The following PDE8B variants were observed in gnomAD, a reference collection of about 807,000 sequenced individuals.
PDE8B encodes the protein high affinity cAMP-specific and IBMX-insensitive 3',5'-cyclic phosphodiesterase 8B.
PDE8B carries 26 observed loss-of-function variants against 101.3 expected under a neutral mutation model. The ratio of observed to expected loss-of-function variants is 0.26; its 90% CI spans 0.19 to 0.36. PDE8B has a LOEUF of 0.36. PDE8B is among the 10% of genes least tolerant of loss of function. The pLI is 1.00. For missense variants in PDE8B, 810 were observed against 1,163.1 expected (o/e 0.70, Z 4.42); for synonymous variants, 424 against 429.3 (o/e 0.99, Z 0.15).
At chr5:77,149,659 T>A in the PDE8B span, among the ~76,000 whole-genome samples, 1 of 152,218 alleles carries the variant, frequency 6.6e-6, no homozygotes, top group Non-Finnish European at 1.5e-5. Context: ...GGCTTGACAT[T>A]GCTGATATAT....
At chr5:77,351,024 C>T (rs371446061) in intron 8 of PDE8B, 41 bp from the exon 9 acceptor site, 1 of 1,450,256 alleles carries the variant, frequency 6.9e-7, no homozygotes, top group African/African-American at 1.4e-5. Flanking sequence ...CAGCTGTCAT[C>T]CTTGACTGAA....
At chr5:77,413,422 T>C in intron 17 of PDE8B, 113 bp downstream of exon 17, 1 of 907,502 alleles carries the variant, frequency 1.1e-6, no homozygotes, top group Non-Finnish European at 1.7e-6. Context: ...GACAGCTTTT[T>C]TAAAAAAAAA....
chr5:77,262,807 C>A (rs1760901719), intron 1 of PDE8B, among the ~76,000 whole-genome samples: 1 of 152,194 alleles, frequency 6.6e-6, no homozygotes, highest in Non-Finnish European at 1.5e-5. Flanking sequence ...AAAGTCTATT[C>A]TGTGAACCAC....
chr5:77,416,682 CAG>C (rs1274724961), intron 17 of PDE8B, among the ~76,000 whole-genome samples: 1 of 152,208 alleles, frequency 6.6e-6, no homozygotes, highest in African/African-American at 2.4e-5. Context: ...CTGGTGGAGA[CAG>C]AGCTTTCAGG....
chr5:77,168,907 G>T, the PDE8B span, among the ~76,000 whole-genome samples: 46 of 152,218 alleles, frequency 3.0e-4, no homozygotes, highest in African/African-American at 1.1e-3. Context: ...TCTAACTCCA[G>T]AGAAATCTTG....
intron 1 of PDE8B, chr5:77,291,113 C>T: frequency 6.2e-7 from 1 of 1,611,098 alleles, no homozygotes. Context: ...AAGATGCAGA[C>T]CTCAGCTTAG....
chr5:77,370,528 G>A (rs955885862), intron 10 of PDE8B, among the ~76,000 whole-genome samples: 1 of 152,200 alleles, frequency 6.6e-6, no homozygotes, highest in Non-Finnish European at 1.5e-5. Context: ...CTATTGCATG[G>A]ATATACCACA....
intron 1 of PDE8B, among the ~76,000 whole-genome samples, chr5:77,259,185 G>C: frequency 6.6e-6 from 1 of 150,424 alleles, no homozygotes; most frequent in East Asian, 2.0e-4. Context: ...TTTGGGTACA[G>C]CTCCAGCCTC....
At chr5:77,412,024 T>C (rs1384893428) in intron 15 of PDE8B, 76 bp from the exon 16 acceptor site, 85 of 1,459,614 alleles carry the variant, frequency 5.8e-5, no homozygotes, top group Non-Finnish European at 7.9e-5. Context: ...GTAGTAACTA[T>C]GAAGATGATG....
intron 10 of PDE8B, among the ~76,000 whole-genome samples, chr5:77,398,430 T>C (rs941761538): frequency 8.0e-5 from 12 of 150,226 alleles, no homozygotes; most frequent in Non-Finnish European, 1.2e-4. Context: ...CAAGCAATTC[T>C]CCTGCCTCAG....
At chr5:77,425,112 T>G (rs1464361674) in intron 20 of PDE8B, among the ~76,000 whole-genome samples, 1 of 152,246 alleles carries the variant, frequency 6.6e-6, no homozygotes, top group Non-Finnish European at 1.5e-5. Context: ...CACTATTGCT[T>G]CTTCTCAGTG....
intron 1 of PDE8B, among the ~76,000 whole-genome samples, chr5:77,244,361 C>G (rs1455249119): frequency 6.6e-6 from 1 of 152,076 alleles, no homozygotes; most frequent in Non-Finnish European, 1.5e-5. Context: ...TTGGGGTACT[C>G]CCAATGTGGC....
At chr5:77,261,573 T>G (rs1249243189) in intron 1 of PDE8B, among the ~76,000 whole-genome samples, 1 of 152,212 alleles carries the variant, frequency 6.6e-6, no homozygotes, top group African/African-American at 2.4e-5. Context: ...GTCAGTCTTC[T>G]CCCCACATCA....
At chr5:77,093,027 T>C in the PDE8B span, among the ~76,000 whole-genome samples, 1 of 152,226 alleles carries the variant, frequency 6.6e-6, no homozygotes, top group Non-Finnish European at 1.5e-5. Flanking sequence ...GCATCCCAGA[T>C]GTGCTTTTGA....
intron 1 of PDE8B, among the ~76,000 whole-genome samples, chr5:77,272,043 A>T (rs182813734): frequency 1.3e-5 from 2 of 152,284 alleles, no homozygotes; most frequent in East Asian, 3.9e-4. Context: ...CGATGTTTAC[A>T]TATGTTTAGG....
the PDE8B span, among the ~76,000 whole-genome samples, chr5:77,173,502 T>C: frequency 6.6e-6 from 1 of 152,158 alleles, no homozygotes; most frequent in Non-Finnish European, 1.5e-5. Flanking sequence ...GTATTTAACT[T>C]GAGGATTATG....
chr5:77,382,443 T>A (rs78122368), intron 10 of PDE8B, among the ~76,000 whole-genome samples: 2,531 of 152,300 alleles, frequency 0.017, 80 homozygotes, highest in African/African-American at 0.057. Flanking sequence ...AACTTTTTTT[T>A]AATTATACTT....
chr5:77,182,156 C>T, the PDE8B span, among the ~76,000 whole-genome samples: 3 of 151,958 alleles, frequency 2.0e-5, no homozygotes, highest in Admixed American at 6.6e-5. Context: ...AGGCTCAGAG[C>T]CTTTAATTCT....
the PDE8B span, among the ~76,000 whole-genome samples, chr5:77,174,441 C>T: frequency 0.057 from 8,741 of 152,150 alleles, 257 homozygotes; most frequent in African/African-American, 0.081. Flanking sequence ...CTCATCAGCT[C>T]TTTCTGGGTT....
Sources: gnomAD v4.1 joint callset for allele counts (sites outside exome capture counted in the v4.1 genomes callset) on GRCh38, gnomAD v4.1.1 for gene constraint, MANE v1.5 for transcripts, NCBI Gene and HGNC (gene_info 2026-07-23, HGNC 2026-07-21) for gene names.